The following LDB2 variants were observed in gnomAD, a reference collection of about 807,000 sequenced individuals.
LDB2 encodes LIM domain binding 2.
In LDB2, 12 loss-of-function variants were observed where a neutral mutation model predicts 44.3. The observed-to-expected ratio is 0.27, with a 90% CI of 0.17 to 0.44. The LOEUF (loss-of-function observed/expected upper bound fraction) is 0.44. Among genes scored for constraint, LDB2 ranks in the 20% least tolerant of loss-of-function variants. LDB2 has a pLI of 1.00. For missense variants in LDB2, 344 were observed against 473.5 expected (o/e 0.73, Z 2.54); for synonymous variants, 164 against 174.8 (o/e 0.94, Z 0.49).
intron 2 of LDB2, among the ~76,000 whole-genome samples, chr4:16,739,664 A>C: frequency 1.1e-5 from 1 of 88,880 alleles, no homozygotes; most frequent in Non-Finnish European, 2.2e-5. Context: ...GTATATATGT[A>C]TATATACATA....
intron 5 of LDB2, among the ~76,000 whole-genome samples, chr4:16,542,716 T>C (rs1734257954): frequency 7.2e-6 from 1 of 139,268 alleles, no homozygotes; most frequent in Non-Finnish European, 1.5e-5. Flanking sequence ...CTCTAAATAA[T>C]GCTCAATAAT....
At chr4:16,794,718 A>G (rs1776392591) in intron 1 of LDB2, among the ~76,000 whole-genome samples, 1 of 152,244 alleles carries the variant, frequency 6.6e-6, no homozygotes, top group African/African-American at 2.4e-5. Context: ...GTTGATGCTT[A>G]TGAACACTCA....
At chr4:16,636,586 G>A (rs534279647) in intron 2 of LDB2, among the ~76,000 whole-genome samples, 2 of 152,118 alleles carry the variant, frequency 1.3e-5, no homozygotes, top group African/African-American at 4.8e-5. Flanking sequence ...TTATATTTAT[G>A]TATTTTGTTT....
chr4:16,647,553 G>A (rs528971487), intron 2 of LDB2, among the ~76,000 whole-genome samples: 6 of 152,272 alleles, frequency 3.9e-5, no homozygotes, highest in Non-Finnish European at 8.8e-5. Context: ...TTGCAAGGCA[G>A]TGGGTCCCAA....
At chr4:16,524,226 C>T (rs149189167) in intron 5 of LDB2, among the ~76,000 whole-genome samples, 1 of 152,130 alleles carries the variant, frequency 6.6e-6, no homozygotes, top group African/African-American at 2.4e-5. Flanking sequence ...GAGTGGCACT[C>T]GGGATGCAAT....
intron 2 of LDB2, among the ~76,000 whole-genome samples, chr4:16,598,611 A>G (rs1001648619): frequency 3.3e-5 from 5 of 152,302 alleles, no homozygotes; most frequent in South Asian, 2.1e-4. Context: ...TAATGTGTCA[A>G]TAGATAACTG....
chr4:16,510,001 GAT>G (rs1721082845), intron 6 of LDB2, among the ~76,000 whole-genome samples: 1 of 152,140 alleles, frequency 6.6e-6, no homozygotes, highest in Admixed American at 6.5e-5. Context: ...AGGGGTCCCA[GAT>G]ACTCTTGAGG....
At chr4:16,775,616 A>G (rs1304125391) in intron 1 of LDB2, among the ~76,000 whole-genome samples, 1 of 152,170 alleles carries the variant, frequency 6.6e-6, no homozygotes, top group Non-Finnish European at 1.5e-5. Flanking sequence ...CCCTATTCTC[A>G]GGAAATGCAT....
chr4:16,804,224 C>A (rs1778367253), intron 1 of LDB2, among the ~76,000 whole-genome samples: 1 of 152,100 alleles, frequency 6.6e-6, no homozygotes, highest in Non-Finnish European at 1.5e-5. Flanking sequence ...CTCAGCCTCC[C>A]AGGTAGCTGG....
intron 1 of LDB2, among the ~76,000 whole-genome samples, chr4:16,855,160 T>A (rs1443096836): frequency 6.6e-6 from 1 of 152,124 alleles, no homozygotes; most frequent in South Asian, 2.1e-4. Flanking sequence ...ACTATTTTCA[T>A]CAAATTTCTA....
chr4:16,816,653 C>T (rs376745452), intron 1 of LDB2, among the ~76,000 whole-genome samples: 24 of 152,116 alleles, frequency 1.6e-4, no homozygotes, highest in East Asian at 3.9e-4. Flanking sequence ...TCAAGCGATC[C>T]GCCCGCCTTG....
intron 5 of LDB2, among the ~76,000 whole-genome samples, chr4:16,554,200 G>C (rs1023959172): frequency 6.6e-6 from 1 of 150,880 alleles, no homozygotes; most frequent in African/African-American, 2.4e-5. Flanking sequence ...ACAGGCATGC[G>C]CCACCATGCC....
chr4:16,880,271 T>C (rs1233838134), intron 1 of LDB2, among the ~76,000 whole-genome samples: 1 of 152,072 alleles, frequency 6.6e-6, no homozygotes, highest in Non-Finnish European at 1.5e-5. Flanking sequence ...CTAAATTAAA[T>C]CAAAACAGGC....
chr4:16,534,804 A>C (rs1422337450), intron 5 of LDB2, among the ~76,000 whole-genome samples: 1 of 152,198 alleles, frequency 6.6e-6, no homozygotes, highest in Non-Finnish European at 1.5e-5. Context: ...CTTGCTATCC[A>C]TCTATCTGGA....
intron 1 of LDB2, among the ~76,000 whole-genome samples, chr4:16,764,944 T>C (rs1768868459): frequency 6.6e-6 from 1 of 152,174 alleles, no homozygotes; most frequent in African/African-American, 2.4e-5. Flanking sequence ...CTGATCACTC[T>C]TACTCCACAC....
chr4:16,580,272 T>C (rs1713839269), intron 5 of LDB2, among the ~76,000 whole-genome samples: 1 of 152,062 alleles, frequency 6.6e-6, no homozygotes, highest in Non-Finnish European at 1.5e-5. Flanking sequence ...TGTGTACAAA[T>C]GAAAGAAGGT....
At chr4:16,741,783 G>A (rs532009240) in intron 2 of LDB2, among the ~76,000 whole-genome samples, 2 of 152,250 alleles carry the variant, frequency 1.3e-5, no homozygotes, top group Admixed American at 1.3e-4. Flanking sequence ...CATATAGTTT[G>A]CTCAAAGCAC....
chr4:16,887,032 CAAAAAA>C (rs371783496), intron 1 of LDB2, among the ~76,000 whole-genome samples: 2 of 50,460 alleles, frequency 4.0e-5, no homozygotes, highest in African/African-American at 6.7e-5. Context: ...AACTCCGTCT[CAAAAAA>C]AAAAAAAAAA....
At chr4:16,693,457 A>T (rs1287720094) in intron 2 of LDB2, among the ~76,000 whole-genome samples, 2 of 150,872 alleles carry the variant, frequency 1.3e-5, no homozygotes, top group Non-Finnish European at 2.9e-5. Flanking sequence ...CTGGGTTCAA[A>T]CGATTCTTCT....
Sources: allele counts gnomAD v4.1 joint callset (sites outside exome capture counted in the v4.1 genomes callset), GRCh38; gene constraint gnomAD v4.1.1; transcripts MANE v1.5; gene names NCBI Gene and HGNC (gene_info 2026-07-23, HGNC 2026-07-21).